The following COMMD1 variants were observed in gnomAD, a reference collection of about 807,000 sequenced individuals.
The protein encoded by COMMD1 is COMM domain-containing protein 1.
A neutral mutation model predicts 17.2 loss-of-function variants in COMMD1; 10 were observed. The observed-to-expected ratio is 0.58, with a 90% CI of 0.36 to 0.99. The LOEUF (loss-of-function observed/expected upper bound fraction) is 0.99. COMMD1 is among the 50% of genes least tolerant of loss of function. COMMD1 has a pLI of 0.01. For synonymous variants in COMMD1, 97 were observed against 91.6 expected (o/e 1.06, Z -0.34); for missense variants, 270 against 231.8 (o/e 1.17, Z -1.07).
At chr2:61,977,976 G>C (rs1309347840) in intron 1 of COMMD1, among the ~76,000 whole-genome samples, 1 of 151,098 alleles carries the variant, frequency 6.6e-6, no homozygotes, top group Non-Finnish European at 1.5e-5. Context: ...GCAACACAGG[G>C]AGATTCTGTC....
intron 1 of COMMD1, among the ~76,000 whole-genome samples, chr2:61,965,497 G>T (rs1222967849): frequency 1.3e-5 from 2 of 152,172 alleles, no homozygotes; most frequent in African/African-American, 4.8e-5. Flanking sequence ...TAGACTGTAA[G>T]CACAGTAAGA....
chr2:62,000,361 C>T (rs1439680475), intron 1 of COMMD1, among the ~76,000 whole-genome samples: 1 of 151,600 alleles, frequency 6.6e-6, no homozygotes, highest in Non-Finnish European at 1.5e-5. Flanking sequence ...CAGTCCCTGC[C>T]TCCCGGTTGA....
In COMMD1 at chr2:62,041,806, C is replaced by A. The variant is rs56781862; in HGVS notation, c.462+40824C>A. Among the ~76,000 whole-genome samples the A allele has an allele frequency of 9.8e-3, 1,485 of 152,204 alleles. 11 individuals carry two copies. The highest frequency in any genetic ancestry group is 0.014 in the Non-Finnish European group (969 of 67,998). On this transcript the variant is annotated intron_variant, in intron 2 of 2. Coordinates refer to ENST00000311832, the MANE Select transcript of COMMD1 (RefSeq NM_152516.4). ...AGATGTGTCCGGAGTTTCTTCCTTC[C>A]GGTGGGTTCGTGGTCTCGCTGGCTT...
At chr2:61,942,540 C>CTTT (rs759905506) in intron 1 of COMMD1, among the ~76,000 whole-genome samples, 31 of 112,256 alleles carry the variant, frequency 2.8e-4, no homozygotes, top group African/African-American at 3.4e-4. Context: ...TGTGCCTGGC[C>CTTT]TTTTTTTTTT....
intron 2 of COMMD1, among the ~76,000 whole-genome samples, chr2:62,064,261 C>G (rs1271034359): frequency 6.6e-6 from 1 of 152,066 alleles, no homozygotes. Context: ...GCAACCTCCA[C>G]CTCCTGGGTT....
intron 1 of COMMD1, among the ~76,000 whole-genome samples, chr2:61,919,031 G>A (rs1670117572): frequency 6.6e-6 from 1 of 151,772 alleles, no homozygotes; most frequent in Non-Finnish European, 1.5e-5. Context: ...TTTCTTTTGA[G>A]ATGGAGTTTT....
At chr2:61,932,969 T>C (rs987604637) in intron 1 of COMMD1, among the ~76,000 whole-genome samples, 1 of 152,126 alleles carries the variant, frequency 6.6e-6, no homozygotes, top group African/African-American at 2.4e-5. Flanking sequence ...CCTGGGTTCT[T>C]GTCTGGCATC....
At chr2:62,081,135 T>TG (rs1211016434) in intron 2 of COMMD1, among the ~76,000 whole-genome samples, 5 of 152,204 alleles carry the variant, frequency 3.3e-5, no homozygotes, top group African/African-American at 1.2e-4. Flanking sequence ...TAGCTACTGC[T>TG]GGATCACTTT....
At chr2:62,042,851 C>T (rs1404781032) in intron 2 of COMMD1, among the ~76,000 whole-genome samples, 1 of 152,190 alleles carries the variant, frequency 6.6e-6, no homozygotes, top group African/African-American at 2.4e-5. Flanking sequence ...GTAAAAGCAA[C>T]CCTTTGATGT....
intron 1 of COMMD1, among the ~76,000 whole-genome samples, chr2:61,999,821 G>A (rs1410655923): frequency 6.6e-6 from 1 of 152,066 alleles, no homozygotes; most frequent in African/African-American, 2.4e-5. Context: ...ACCGAATTGA[G>A]TGACATGGAA....
intron 2 of COMMD1, among the ~76,000 whole-genome samples, chr2:62,113,006 G>A (rs906201111): frequency 1.3e-5 from 2 of 152,050 alleles, no homozygotes; most frequent in Non-Finnish European, 2.9e-5. Context: ...TGAGTGATGC[G>A]GTGGAGTGAA....
At chr2:62,101,176 T>C (rs1365660349) in intron 2 of COMMD1, among the ~76,000 whole-genome samples, 1 of 152,064 alleles carries the variant, frequency 6.6e-6, no homozygotes, top group African/African-American at 2.4e-5. Flanking sequence ...ACCAAAAGTA[T>C]AGGTTTTTTC....
chr2:61,949,319 G>T lies in COMMD1; in HGVS notation c.180+43461G>T, dbSNP rs142897492. Among the ~76,000 whole-genome samples, 583 of 152,166 alleles carry T rather than the reference G, an allele frequency of 3.8e-3. 3 individuals are homozygous for T. Among genetic ancestry groups the T allele is most frequent in the Non-Finnish European group, 5.7e-3 (389 of 68,006 alleles). On this transcript the variant is annotated intron_variant, in intron 1 of 2. Coordinates refer to ENST00000311832, the MANE Select transcript of COMMD1 (RefSeq NM_152516.4). The stretch of plus-strand genomic sequence containing the variant: ...GAACCGAGAAGCCTTGAAACAAAGA[G>T]CCAGGGAGAACTTCTAGCCTAAGAG...
At position 62,136,050 on chromosome 2, in the gene COMMD1, C is replaced by A. The variant is rs1673186729; in HGVS notation, c.*109C>A. On this transcript the variant is annotated 3_prime_UTR_variant, in exon 3 of 3. Transcript: ENST00000311832. ...TGCCCGCATTGGTATTAAATCCTCG[C>A]ATTCAGTCTTCCTGCCTCTACTTGC... 2.8e-6 allele frequency: 2 copies of A among 711,774 alleles called. No individual in the cohort carries two copies. Among genetic ancestry groups the A allele is most frequent in the Non-Finnish European group, 5.2e-6 (2 of 387,166 alleles). The allele number at this position is 711,774 out of a possible 1,614,324, so 44.1% of individuals were successfully genotyped here. A position where few individuals can be genotyped will look rare whatever the true frequency, so the allele number is the denominator to read the frequency against.
chr2:62,011,660 A>G (rs1669281883), intron 2 of COMMD1, among the ~76,000 whole-genome samples: 5 of 152,202 alleles, frequency 3.3e-5, no homozygotes, highest in Admixed American at 2.6e-4. Context: ...TCAGTGAACA[A>G]TACAGACAAG....
chr2:62,113,198 A>T (rs1672500940), intron 2 of COMMD1, among the ~76,000 whole-genome samples: 1 of 151,960 alleles, frequency 6.6e-6, no homozygotes. Flanking sequence ...ATTAAAAAAA[A>T]AAAATTAGCT....
rs1320493467 is a variant in COMMD1 at position 62,008,389 on chromosome 2, C to CATAT, written c.462+7412_462+7415dup. Reference sequence around the variant, plus strand: ...ACACACACACACACACACACACACACATATATATTTGTTTATACCTGTGTA... The same window carrying CATAT: ...ACACACACACACACACACACACACACATATATATATATTTGTTTATACCTGTGTA... On this transcript the variant is annotated intron_variant, in intron 2 of 2. Coordinates refer to ENST00000311832, the MANE Select transcript of COMMD1 (RefSeq NM_152516.4). Among the ~76,000 whole-genome samples, 298 of 145,748 alleles carry CATAT rather than the reference C, an allele frequency of 2.0e-3. 47 individuals are homozygous for CATAT. The highest frequency in any genetic ancestry group is 5.6e-3 in the African/African-American group (226 of 40,152).
chr2:61,925,569 C>G (rs1670310195), intron 1 of COMMD1, among the ~76,000 whole-genome samples: 1 of 152,126 alleles, frequency 6.6e-6, no homozygotes, highest in South Asian at 2.1e-4. Context: ...GTTTGCTTAT[C>G]GCAGCAAGGT....
chr2:61,983,189 ATTT>A (rs1295410552), intron 1 of COMMD1, among the ~76,000 whole-genome samples: 2 of 132,802 alleles, frequency 1.5e-5, no homozygotes, highest in Non-Finnish European at 1.6e-5. Flanking sequence ...TTATCATGGC[ATTT>A]TTTTTTTTTT....
Sources: allele counts gnomAD v4.1 joint callset (sites outside exome capture counted in the v4.1 genomes callset), GRCh38; gene constraint gnomAD v4.1.1; transcripts MANE v1.5; gene names NCBI Gene and HGNC (gene_info 2026-07-23, HGNC 2026-07-21).